The following CFAP54 variants were observed in gnomAD, a reference collection of about 807,000 sequenced individuals.
CFAP54 encodes the protein cilia- and flagella-associated protein 54.
In CFAP54, 290 loss-of-function variants were observed where a neutral mutation model predicts 370.4. That is an observed-to-expected ratio of 0.78 (90% CI 0.71 to 0.86). CFAP54 has a LOEUF of 0.86. Among genes scored for constraint, CFAP54 ranks in the 40% least tolerant of loss-of-function variants. The pLI, the probability that CFAP54 is intolerant of heterozygous loss-of-function variation, is 0.00. For synonymous variants in CFAP54, 1,206 were observed against 1,236.5 expected (o/e 0.98, Z 0.52); for missense variants, 3,399 against 3,528.7 (o/e 0.96, Z 0.93).
At chr12:96,571,722 AT>A (rs1225385394) in intron 19 of CFAP54, among the ~76,000 whole-genome samples, 1 of 150,856 alleles carries the variant, frequency 6.6e-6, no homozygotes, top group African/African-American at 2.4e-5. Flanking sequence ...TTCCTTCTTG[AT>A]TTTTTTTGGG....
At chr12:96,874,097 G>A (rs922723235) in intron 67 of CFAP54, among the ~76,000 whole-genome samples, 1 of 152,070 alleles carries the variant, frequency 6.6e-6, no homozygotes, top group Non-Finnish European at 1.5e-5. Context: ...CCAGATTCCT[G>A]TAGCCACCTG....
chr12:96,562,022 G>A (rs1439142559), intron 17 of CFAP54, among the ~76,000 whole-genome samples: 1 of 151,932 alleles, frequency 6.6e-6, no homozygotes, highest in Non-Finnish European at 1.5e-5. Flanking sequence ...CTGACCTCAA[G>A]TGATCTGCCT....
intron 4 of CFAP54, among the ~76,000 whole-genome samples, chr12:96,509,464 G>A (rs1382325352): frequency 6.6e-6 from 1 of 152,066 alleles, no homozygotes; most frequent in East Asian, 1.9e-4. Flanking sequence ...ACTTTTAATT[G>A]ACTGTTATAC....
At chr12:96,643,230 A>C (rs972466101) in intron 32 of CFAP54, among the ~76,000 whole-genome samples, 7 of 152,256 alleles carry the variant, frequency 4.6e-5, no homozygotes, top group African/African-American at 1.4e-4. Context: ...TCTTGGATTA[A>C]AAGCAAATCA....
At chr12:96,756,783 A>T (rs34485) in intron 57 of CFAP54, among the ~76,000 whole-genome samples, 80,647 of 151,978 alleles carry the variant, frequency 0.53, 22,168 homozygotes, top group Middle Eastern at 0.68. Context: ...ATTGGCCTGT[A>T]CCCAGATCTC....
At chr12:96,636,426 T>G (rs1478953391) in intron 32 of CFAP54, among the ~76,000 whole-genome samples, 1 of 152,232 alleles carries the variant, frequency 6.6e-6, no homozygotes, top group Non-Finnish European at 1.5e-5. Flanking sequence ...AAAGTTATAC[T>G]CTCACATTAA....
chr12:96,681,834 G>A (rs1957276481), intron 40 of CFAP54, among the ~76,000 whole-genome samples: 1 of 151,948 alleles, frequency 6.6e-6, no homozygotes, highest in African/African-American at 2.4e-5. Flanking sequence ...CCTGACCTCA[G>A]GTGATCCACC....
chr12:96,649,600 A>G (rs1355523903), intron 34 of CFAP54, among the ~76,000 whole-genome samples: 1 of 152,216 alleles, frequency 6.6e-6, no homozygotes, highest in Non-Finnish European at 1.5e-5. Context: ...TTCCTTTCAA[A>G]AAACATGTAC....
In CFAP54 at chr12:96,776,723, A is replaced by G. The variant is rs1001098143; in HGVS notation, c.8282-7994A>G. 3.9e-4 allele frequency among the ~76,000 whole-genome samples: 60 copies of G among 152,174 alleles called. 3 individuals carry two copies. On this transcript the variant is annotated intron_variant, in intron 60 of 67. Coordinates refer to ENST00000524981, the MANE Select transcript of CFAP54 (RefSeq NM_001306084.2). ...GTAGAATCTGAAATTATATCATTAA[A>G]CTTTTTGAACTCTGTTATATCAAAA... is the stretch of plus-strand genomic sequence containing the variant.
At chr12:96,764,304 C>A in intron 59 of CFAP54, 55 bp downstream of exon 59, 1 of 1,340,774 alleles carries the variant, frequency 7.5e-7, no homozygotes, top group Non-Finnish European at 1.1e-6. Flanking sequence ...GTATTCTCTG[C>A]CTTTAAAGAA....
intron 58 of CFAP54, 74 bp from the exon 59 acceptor site, chr12:96,764,077 T>G (rs1958369188): frequency 3.1e-6 from 3 of 967,064 alleles, no homozygotes; most frequent in Non-Finnish European, 4.8e-6. Flanking sequence ...AGCATTTCAC[T>G]AAAATGTCAT....
intron 39 of CFAP54, among the ~76,000 whole-genome samples, chr12:96,669,202 G>A (rs986079733): frequency 2.0e-5 from 3 of 152,222 alleles, no homozygotes; most frequent in Admixed American, 6.5e-5. Flanking sequence ...GGTTAGAAAG[G>A]TTGGCAGAAA....
chr12:96,763,225 C>G (rs1434940145), intron 58 of CFAP54, among the ~76,000 whole-genome samples: 4 of 151,930 alleles, frequency 2.6e-5, no homozygotes, highest in African/African-American at 9.7e-5. Context: ...TGTTTAAAAA[C>G]TGAATATATA....
At chr12:96,588,628 C>G (rs1399509358) in intron 22 of CFAP54, among the ~76,000 whole-genome samples, 1 of 152,170 alleles carries the variant, frequency 6.6e-6, no homozygotes, top group Admixed American at 6.5e-5. Context: ...ATTCTAGTAA[C>G]TTGTCATTCA....
chr12:96,614,072 T>G (rs1956390065), intron 26 of CFAP54, among the ~76,000 whole-genome samples: 1 of 152,140 alleles, frequency 6.6e-6, no homozygotes. Context: ...AAAGAGAATT[T>G]TAGACCAATA....
chr12:96,678,603 C>T (rs763647720), intron 39 of CFAP54, among the ~76,000 whole-genome samples: 34 of 152,248 alleles, frequency 2.2e-4, no homozygotes, highest in Non-Finnish European at 4.4e-4. Flanking sequence ...TCTCTTTTGT[C>T]CTAATCAAGT....
At chr12:96,579,333 A>C (rs1956009622) in intron 20 of CFAP54, among the ~76,000 whole-genome samples, 1 of 152,170 alleles carries the variant, frequency 6.6e-6, no homozygotes, top group African/African-American at 2.4e-5. Context: ...AAGATGCGGA[A>C]ACTTGCATCA....
chr12:96,514,335 T>C (rs1004850468), intron 5 of CFAP54, among the ~76,000 whole-genome samples: 6 of 152,246 alleles, frequency 3.9e-5, no homozygotes, highest in Admixed American at 1.3e-4. Context: ...ACATTAATTA[T>C]GTGTTCTCTC....
intron 8 of CFAP54, among the ~76,000 whole-genome samples, chr12:96,525,542 C>T (rs1254525899): frequency 6.6e-6 from 1 of 151,704 alleles, no homozygotes; most frequent in Non-Finnish European, 1.5e-5. Context: ...TTGGGTTTTA[C>T]CATTTCATTT....
Sources: allele counts gnomAD v4.1 joint callset (sites outside exome capture counted in the v4.1 genomes callset), GRCh38; gene constraint gnomAD v4.1.1; transcripts MANE v1.5; gene names NCBI Gene and HGNC (gene_info 2026-07-23, HGNC 2026-07-21).